The following NEK4 variants were observed in gnomAD, a reference collection of about 807,000 sequenced individuals.
NEK4 encodes serine/threonine-protein kinase Nek4.
In NEK4, 86 loss-of-function variants were observed where a neutral mutation model predicts 98.4. The observed-to-expected ratio is 0.87, with a 90% CI of 0.73 to 1.05. The LOEUF (loss-of-function observed/expected upper bound fraction) is 1.05. Ranked by LOEUF, NEK4 falls within the 50% of genes least tolerant of loss-of-function variation. NEK4 has a pLI of 0.00. For synonymous variants in NEK4, 328 were observed against 342.2 expected, an observed-to-expected ratio of 0.96 and a Z score of 0.46; for missense variants, 898 against 950.3, an observed-to-expected ratio of 0.94 and a Z score of 0.72.
chr3:52,770,667 C>A lies in NEK4; in HGVS notation c.80G>T (p.Arg27Leu). The change falls in exon 1 of 16, where the codon CGG becomes CTG. Residue 27 changes from arginine (R) to leucine (L), a missense_variant. Transcript: ENST00000233027. ...ACCCCTGCAGACCTGCTTGCCGTCCCGCCGGTGCTTCACAAGCGTCACCTC... is the reference window on the plus strand; with the variant it reads ...ACCCCTGCAGACCTGCTTGCCGTCCAGCCGGTGCTTCACAAGCGTCACCTC... ...YGEVTLVKHRRDGKQYVIKKL... is the reference protein window; with the variant it reads ...YGEVTLVKHRLDGKQYVIKKL... The A allele has an allele frequency of 6.4e-7, 1 of 1,561,892 alleles. No homozygotes were observed. The highest frequency in any genetic ancestry group is 2.4e-5 in the East Asian group (1 of 41,934).
intron 15 of NEK4, among the ~76,000 whole-genome samples, chr3:52,712,256 TATAA>T (rs2097351105): frequency 6.6e-6 from 1 of 152,252 alleles, no homozygotes. Flanking sequence ...AAAATAATCA[TATAA>T]ATAACCATTT....
intron 4 of NEK4, among the ~76,000 whole-genome samples, chr3:52,764,663 A>G (rs1209972435): frequency 6.6e-6 from 1 of 151,928 alleles, no homozygotes; most frequent in Admixed American, 6.6e-5. Flanking sequence ...ACCGACTTGG[A>G]AGGATGTGTT....
chr3:52,760,954 GA>G lies in NEK4; in HGVS notation c.822-19del. ...AGGTTTTTCTTTATAAAGAAGAAAA[GA>G]AAGAGTTATTATCAATATACTGAAG... On this transcript the variant is annotated intron_variant, in intron 5 of 15. Transcript: ENST00000233027. 1 of 1,503,526 alleles carries G rather than the reference GA, an allele frequency of 6.7e-7. No homozygotes were observed. Among genetic ancestry groups the G allele is most frequent in the Non-Finnish European group, 9.1e-7 (1 of 1,093,626 alleles). 93.1% of individuals were successfully genotyped at this position (1,503,526 alleles called of 1,614,324 possible). A position where few individuals can be genotyped will look rare whatever the true frequency, so the allele number is the denominator to read the frequency against.
chr3:52,770,716 C>T lies in NEK4; in HGVS notation c.31G>A (p.Val11Ile), dbSNP rs1221524995. The T allele has an allele frequency of 6.3e-7, 1 of 1,577,224 alleles. No individual in the cohort carries two copies. Among genetic ancestry groups the T allele is most frequent in the Admixed American group, 1.8e-5 (1 of 55,296 alleles). The change falls in exon 1 of 16, where the codon GTC becomes ATC. Residue 11 changes from valine (V) to isoleucine (I), a missense_variant. Val to Ile is a conservative substitution (Grantham distance 29). Transcript: ENST00000233027. MPLAAYCYLR[V>I]VGKGSYGEVT... ...TCTCCATAGCTCCCCTTGCCCACGA[C>T]CCGCAGGTAGCAGTAGGCGGCCAGG...
intron 6 of NEK4, among the ~76,000 whole-genome samples, chr3:52,752,929 T>TACACACACACACACACACACACAC (rs1215610708): frequency 2.4e-4 from 12 of 49,732 alleles, no homozygotes; most frequent in African/African-American, 6.9e-4. Context: ...TATATATATA[T>TACACACACACACACACACACACAC]ATATACACAC....
intron 5 of NEK4, among the ~76,000 whole-genome samples, chr3:52,762,233 A>G (rs1051392638): frequency 5.3e-5 from 8 of 152,228 alleles, no homozygotes; most frequent in Non-Finnish European, 1.2e-4. Flanking sequence ...GTTAATGTGA[A>G]TGAAGAGGGA....
chr3:52,754,814 C>A, intron 6 of NEK4: 2 of 300,060 alleles, frequency 6.7e-6, no homozygotes, highest in South Asian at 6.3e-5. Context: ...TGGCTCATGC[C>A]TGTAATCCTA....
chr3:52,713,532 C>T (rs552341397), intron 15 of NEK4, among the ~76,000 whole-genome samples: 6 of 152,352 alleles, frequency 3.9e-5, no homozygotes, highest in East Asian at 1.9e-4. Flanking sequence ...TAGTAGCTCA[C>T]GCCTGTAATC....
rs370577541 is a variant in NEK4, at chr3:52,746,938, G to A, written c.1507-34C>T. 1.7e-5 allele frequency: 26 copies of A among 1,508,814 alleles called. 1 individual carries two copies. Among genetic ancestry groups the A allele is most frequent in the Admixed American group, 5.1e-5 (3 of 58,878 alleles). The allele number at this position is 1,508,814 out of a possible 1,614,324, so 93.5% of individuals were successfully genotyped here. ...CAATAAAATGACATTTTAAAGTATA[G>A]CAGCAACCTGGTACATTGTAATCCA... is the stretch of plus-strand genomic sequence containing the variant. On this transcript the variant is annotated intron_variant, in intron 8 of 15. Transcript: ENST00000233027.
At chr3:52,754,088 G>C in intron 6 of NEK4, 2 of 245,372 alleles carry the variant, frequency 8.2e-6, no homozygotes, top group South Asian at 1.0e-4. Flanking sequence ...CTTGAACCCA[G>C]GAGGCAGAGG....
In NEK4 at chr3:52,766,330, T is replaced by C. The variant is rs771309069; in HGVS notation, c.406A>G (p.Asn136Asp). 3 of 1,614,122 alleles carry C rather than the reference T, an allele frequency of 1.9e-6. No individual in the cohort carries two copies. In the Admixed American group the frequency reaches 5.0e-5, roughly 27 times the overall value. ...ATGTTTGTTCTTGTTAGGAAGACAT[T>C]TTGAGTTTTCAGATCTCGATGAAGG... ...HILHRDLKTQNVFLTRTNIIK... is the reference protein window; with the variant it reads ...HILHRDLKTQDVFLTRTNIIK... Residue 136 changes from asparagine to aspartate, a missense_variant, in exon 3 of 16, where the codon AAT (asparagine) becomes GAT (aspartate). Physicochemically the swap from Asn to Asp is conservative, Grantham distance 23. Coordinates refer to ENST00000233027, the MANE Select transcript of NEK4 (RefSeq NM_003157.6).
intron 2 of NEK4, among the ~76,000 whole-genome samples, chr3:52,766,992 CAA>C (rs755690122): frequency 4.0e-5 from 5 of 126,156 alleles, no homozygotes; most frequent in Non-Finnish European, 5.0e-5. Flanking sequence ...GACTCCGTCT[CAA>C]AAAAAAAAAA....
intron 13 of NEK4, among the ~76,000 whole-genome samples, chr3:52,740,001 G>C (rs34184137): frequency 0.039 from 5,982 of 152,216 alleles, 203 homozygotes; most frequent in Non-Finnish European, 0.059. Context: ...AGGAACCTTG[G>C]AGACAGTCTA....
intron 4 of NEK4, among the ~76,000 whole-genome samples, chr3:52,764,810 TTA>T (rs946598086): frequency 8.6e-5 from 10 of 116,808 alleles, no homozygotes; most frequent in Non-Finnish European, 1.7e-4. Flanking sequence ...ACACACAGAG[TTA>T]TGTCTGTATA....
chr3:52,738,188 C>A (rs973460459), intron 14 of NEK4, among the ~76,000 whole-genome samples: 1 of 151,760 alleles, frequency 6.6e-6, no homozygotes, highest in African/African-American at 2.4e-5. Context: ...CTCACTATAG[C>A]CTCTAATTCC....
At chr3:52,737,311 T>C (rs958199493) in intron 15 of NEK4, among the ~76,000 whole-genome samples, 1 of 151,596 alleles carries the variant, frequency 6.6e-6, no homozygotes, top group Non-Finnish European at 1.5e-5. Context: ...CCAAAAAAAC[T>C]CTTAGAAGAA....
intron 6 of NEK4, among the ~76,000 whole-genome samples, chr3:52,752,688 C>A (rs925593537): frequency 6.6e-6 from 1 of 151,492 alleles, no homozygotes; most frequent in East Asian, 2.0e-4. Flanking sequence ...CCACTTGAGG[C>A]CAGGAGCTTG....
At chr3:52,742,889 A>C (rs537245871) in intron 12 of NEK4, among the ~76,000 whole-genome samples, 2 of 152,332 alleles carry the variant, frequency 1.3e-5, no homozygotes, top group African/African-American at 4.8e-5. Flanking sequence ...TCTTGGGCTC[A>C]AGTGATCCTT....
intron 15 of NEK4, among the ~76,000 whole-genome samples, chr3:52,735,911 A>G (rs2097375158): frequency 6.6e-6 from 1 of 152,216 alleles, no homozygotes; most frequent in African/African-American, 2.4e-5. Context: ...AGGGGAAAGA[A>G]CTCTACTGGT....
Sources: gnomAD v4.1 joint callset for allele counts (sites outside exome capture counted in the v4.1 genomes callset) on GRCh38, gnomAD v4.1.1 for gene constraint, MANE v1.5 for transcripts, NCBI Gene and HGNC (gene_info 2026-07-23, HGNC 2026-07-21) for gene names.